Variants in ATXN7L1 observed in about 807,000 individuals in gnomAD.
ATXN7L1 encodes ataxin 7 like 1.
In ATXN7L1, 15 loss-of-function variants were observed where a neutral mutation model predicts 70.8. The ratio of observed to expected loss-of-function variants is 0.21; its 90% CI spans 0.14 to 0.33. The LOEUF is 0.33. ATXN7L1 is among the 10% of genes least tolerant of loss of function. The pLI is 1.00. For missense variants in ATXN7L1, 975 were observed against 1,097.1 expected, an observed-to-expected ratio of 0.89 and a Z score of 1.57; for synonymous variants, 440 against 445.1, an observed-to-expected ratio of 0.99 and a Z score of 0.14.
At chr7:105,812,958 C>A (rs1294560422) in intron 2 of ATXN7L1, among the ~76,000 whole-genome samples, 1 of 152,160 alleles carries the variant, frequency 6.6e-6, no homozygotes, top group African/African-American at 2.4e-5. Context: ...GCTGTGATTG[C>A]GCCCCTGTAC....
chr7:105,645,121 C>T (rs1159642110), intron 4 of ATXN7L1, among the ~76,000 whole-genome samples: 1 of 151,556 alleles, frequency 6.6e-6, no homozygotes, highest in Admixed American at 6.6e-5. Flanking sequence ...TTTTTAATGC[C>T]CGTTGAACAA....
intron 3 of ATXN7L1, among the ~76,000 whole-genome samples, chr7:105,707,979 G>A (rs528524341): frequency 1.3e-5 from 2 of 152,248 alleles, no homozygotes; most frequent in East Asian, 1.9e-4. Context: ...TTTATAAGTG[G>A]CCTTAAATCC....
chr7:105,709,034 A>T, intron 3 of ATXN7L1, among the ~76,000 whole-genome samples: 1 of 152,138 alleles, frequency 6.6e-6, no homozygotes, highest in East Asian at 1.9e-4. Flanking sequence ...ATGCCTTTTA[A>T]AATTTTTTCT....
chr7:105,604,934 T>G lies in ATXN7L1; in HGVS notation c.*2918A>C, dbSNP rs1792689392. 1 of 150,920 alleles carries G rather than the reference T, an allele frequency of 6.6e-6. No individual in the cohort carries two copies. Among genetic ancestry groups the G allele is most frequent in the African/African-American group, 2.4e-5 (1 of 41,094 alleles). 9.3% of individuals were successfully genotyped at this position (150,920 alleles called of 1,614,324 possible). ...TTTTAAAACAAGAGTTCACTGAGAA[T>G]CAGCAATAATAGAATATGCTGTATA... On this transcript the variant is annotated 3_prime_UTR_variant, in exon 12 of 12. Transcript: ENST00000419735.
intron 3 of ATXN7L1, among the ~76,000 whole-genome samples, chr7:105,714,490 A>G (rs1228226319): frequency 2.0e-5 from 3 of 152,200 alleles, no homozygotes; most frequent in Admixed American, 6.5e-5. Context: ...TAATAAGACC[A>G]TATTACTATA....
chr7:105,828,257 G>C (rs917240628), intron 2 of ATXN7L1, among the ~76,000 whole-genome samples: 4 of 152,104 alleles, frequency 2.6e-5, no homozygotes, highest in African/African-American at 9.7e-5. Flanking sequence ...CATTTTTACC[G>C]CACAAGTAGT....
chr7:105,611,519 G>A (rs1584278358), intron 10 of ATXN7L1, among the ~76,000 whole-genome samples: 1 of 152,224 alleles, frequency 6.6e-6, no homozygotes, highest in Middle Eastern at 3.4e-3. Flanking sequence ...TTACAGGCAC[G>A]TGCCACCCCA....
Position 105,772,059 on chromosome 7 carries a change from T to A in ATXN7L1, c.355+16545A>T, listed in dbSNP as rs1802081729. The stretch of plus-strand genomic sequence containing the variant: ...CACCTATTAAAAGACAATATCAGAT[T>A]GGAATTTTTTTTTTTTTTTTTTTTT... On this transcript the variant is annotated intron_variant, in intron 3 of 11. Transcript: ENST00000419735. 2.7e-5 allele frequency among the ~76,000 whole-genome samples: 4 copies of A among 147,432 alleles called. No individual in the cohort carries two copies. The Admixed American group carries it at 2.7e-4, about 10-fold the overall frequency.
chr7:105,716,937 G>T (rs1358518370), intron 3 of ATXN7L1, among the ~76,000 whole-genome samples: 1 of 151,790 alleles, frequency 6.6e-6, no homozygotes, highest in East Asian at 1.9e-4. Flanking sequence ...AAAATGATAA[G>T]TGTATGATAA....
chr7:105,701,858 C>T lies in ATXN7L1; in HGVS notation c.356-36570G>A, dbSNP rs78343272. The stretch of plus-strand genomic sequence containing the variant: ...TAGCTGGGAATACAAGCATGAGCCA[C>T]GGTGCCCAACTCATTAATTCATTTT... On this transcript the variant is annotated intron_variant, in intron 3 of 11. Transcript: ENST00000419735. 9.3e-3 allele frequency among the ~76,000 whole-genome samples: 1,420 copies of T among 152,294 alleles called. 49 individuals are homozygous for T. The highest frequency in any genetic ancestry group is 0.057 in the Admixed American group (872 of 15,300).
At chr7:105,870,698 T>C (rs1041879341) in intron 2 of ATXN7L1, among the ~76,000 whole-genome samples, 9 of 152,232 alleles carry the variant, frequency 5.9e-5, no homozygotes, top group Admixed American at 6.5e-5. Flanking sequence ...TTTTCCCTAA[T>C]TAGCTTGAAA....
chr7:105,613,891 C>A lies in ATXN7L1; in HGVS notation c.2443G>T (p.Asp815Tyr). 1.3e-6 allele frequency: 2 copies of A among 1,551,996 alleles called. No individual in the cohort carries two copies. The highest frequency in any genetic ancestry group is 4.9e-5 in the East Asian group (2 of 40,916). The change falls in exon 10 of 12, where the codon GAT (aspartate) becomes TAT (tyrosine). Residue 815 changes from aspartate to tyrosine, a missense_variant. This residue lies in a region of ATXN7L1 where 635 missense variants were observed against 699.4 expected (regional missense o/e 0.91). Transcript: ENST00000419735. ...CGAGAGGAGGTGCTGTTAACGGGAT[C>A]GGGCACCGGTGCGAGAAGGCTGGGC... The part of the protein sequence containing the change: ...NPPSLLAPVP[D>Y]PVNSTSSRQV...
At chr7:105,620,970 C>A (rs996351108) in intron 8 of ATXN7L1, among the ~76,000 whole-genome samples, 2 of 152,028 alleles carry the variant, frequency 1.3e-5, no homozygotes, top group African/African-American at 4.8e-5. Flanking sequence ...CTATTATCAG[C>A]CACATTTTCT....
intron 8 of ATXN7L1, among the ~76,000 whole-genome samples, chr7:105,623,613 G>C (rs1795246734): frequency 6.6e-6 from 1 of 152,166 alleles, no homozygotes; most frequent in Non-Finnish European, 1.5e-5. Context: ...GTAACACTTA[G>C]AACCAACAGG....
intron 2 of ATXN7L1, chr7:105,819,887 G>A: frequency 1.7e-6 from 1 of 575,156 alleles, no homozygotes; most frequent in Non-Finnish European, 3.4e-6. Flanking sequence ...AAGCCTACAA[G>A]AAACTTTGCC....
chr7:105,628,138 C>T (rs943782069), intron 7 of ATXN7L1, among the ~76,000 whole-genome samples: 5 of 151,978 alleles, frequency 3.3e-5, no homozygotes, highest in Admixed American at 6.6e-5. Flanking sequence ...CCACTGTGCC[C>T]GGCCTGTCTT....
chr7:105,710,980 C>A (rs909569294), intron 3 of ATXN7L1, among the ~76,000 whole-genome samples: 3 of 152,132 alleles, frequency 2.0e-5, no homozygotes, highest in Non-Finnish European at 4.4e-5. Context: ...GAGAGCCAAG[C>A]AAAGGGGGAA....
At chr7:105,786,011 G>A (rs139012157) in intron 3 of ATXN7L1, among the ~76,000 whole-genome samples, 44 of 152,292 alleles carry the variant, frequency 2.9e-4, no homozygotes, top group Admixed American at 5.2e-4. Context: ...ACACTAAAAA[G>A]TACTCCCCAC....
chr7:105,614,023 A>G lies in ATXN7L1; in HGVS notation c.2311T>C (p.Ser771Pro). The change falls in exon 10 of 12, where the codon TCT (serine) becomes CCT (proline). Residue 771 changes from serine (S) to proline (P), a missense_variant. Physicochemically the swap from Ser to Pro is moderately conservative, Grantham distance 74. Around this residue, in one of 5 missense-constraint regions of ATXN7L1, gnomAD observed 635 missense variants for 699.4 expected, o/e 0.91. Transcript: ENST00000419735. The surrounding 1 kb of genome is among the most constrained non-coding windows in gnomAD (Gnocchi z 4.3). ...SHNAVSSLPL[S>P]FDKSEGKKRK... is the part of the protein sequence containing the mutation. ...TTTTTTCCTTCTGATTTGTCAAAAG[A>G]GAGGGGCAGAGAAGACACAGCATTG... The G allele has an allele frequency of 6.4e-7, 1 of 1,551,984 alleles. No homozygotes were observed. The highest frequency in any genetic ancestry group is 8.7e-7 in the Non-Finnish European group (1 of 1,147,060).
Sources: gnomAD v4.1 joint callset for allele counts (sites outside exome capture counted in the v4.1 genomes callset) on GRCh38, gnomAD v4.1.1 for gene constraint, gnomAD v4.1.1 regional missense constraint, Gnocchi (gnomAD v3.1) non-coding constraint, MANE v1.5 for transcripts, NCBI Gene and HGNC (gene_info 2026-07-23, HGNC 2026-07-21) for gene names.